Variants in RNF43 observed in about 807,000 individuals in gnomAD.
The protein encoded by RNF43 is E3 ubiquitin-protein ligase RNF43.
Under a neutral mutation model 78.4 loss-of-function variants are expected in RNF43, and 37 were observed. That is an observed-to-expected ratio of 0.47 (90% CI 0.36 to 0.62). The LOEUF (loss-of-function observed/expected upper bound fraction) is 0.62. RNF43 is among the 20% of genes least tolerant of loss of function. RNF43 has a pLI of 0.00. For missense variants in RNF43, 774 were observed against 1,007.9 expected (o/e 0.77, Z 3.14); for synonymous variants, 347 against 395.0 (o/e 0.88, Z 1.44).
intron 2 of RNF43, chr17:58,395,060 T>G (rs919280101): frequency 6.6e-6 from 1 of 152,254 alleles, no homozygotes; most frequent in Middle Eastern, 3.2e-3. Context: ...TGCTGTATAA[T>G]AAGTCTGTTT....
At chr17:58,391,615 G>A (rs1332787276) in intron 2 of RNF43, among the ~76,000 whole-genome samples, 3 of 152,166 alleles carry the variant, frequency 2.0e-5, no homozygotes, top group African/African-American at 2.4e-5. Context: ...TCTCAGTGTC[G>A]TTTGAACTGT....
intron 2 of RNF43, among the ~76,000 whole-genome samples, chr17:58,406,877 T>TAC (rs1413091984): frequency 6.6e-6 from 1 of 151,812 alleles, no homozygotes; most frequent in East Asian, 1.9e-4. Context: ...TATATATGTA[T>TAC]AACAATACCT....
At chr17:58,403,701 T>G (rs573106873) in intron 2 of RNF43, among the ~76,000 whole-genome samples, 1 of 152,284 alleles carries the variant, frequency 6.6e-6, no homozygotes, top group Admixed American at 6.5e-5. Flanking sequence ...GATGGCCCCA[T>G]TTCCACTCTT....
At chr17:58,371,681 G>A (rs1416487902) in intron 2 of RNF43, among the ~76,000 whole-genome samples, 23 of 152,170 alleles carry the variant, frequency 1.5e-4, no homozygotes, top group Non-Finnish European at 1.5e-5. Flanking sequence ...ATCTTGCAAT[G>A]AGGCTTGGCT....
rs185283404 is a variant in RNF43 at position 58,359,324 on chromosome 17, G to A, written c.953-501C>T. On this transcript the variant is annotated intron_variant, in intron 8 of 9. Transcript: ENST00000407977. ...TAATAAAGATTATCTACGGCCGGGC[G>A]CGGTGGCTCATGCCTGTAATCCCAG... Among the ~76,000 whole-genome samples, 38 of 151,740 alleles carry A rather than the reference G, an allele frequency of 2.5e-4. 1 individual carries two copies. The East Asian group carries it at 6.8e-3, about 27-fold the overall frequency.
chr17:58,376,982 G>C lies in RNF43; in HGVS notation c.253-5949C>G, dbSNP rs144112705. On this transcript the variant is annotated intron_variant, in intron 2 of 9. Coordinates refer to ENST00000407977, the MANE Select transcript of RNF43 (RefSeq NM_017763.6). ...TTATACCCCCTGTGTAAAGACATGT[G>C]AACTGTCCTTCGGTGGTGTGTGTTG... Among the ~76,000 whole-genome samples, 238 of 152,232 alleles carry C rather than the reference G, an allele frequency of 1.6e-3. 2 individuals carry two copies. Among genetic ancestry groups the C allele is most frequent in the Middle Eastern group, 0.01 (3 of 294 alleles).
intron 9 of RNF43, chr17:58,356,858 A>C: frequency 1.5e-5 from 4 of 264,896 alleles, no homozygotes; most frequent in Non-Finnish European, 2.9e-5. Flanking sequence ...TGTTTGAGCT[A>C]CTACCCCGGG....
Position 58,358,465 on chromosome 17 carries a change from C to G in RNF43, c.1311G>C (p.Arg437=), listed in dbSNP as rs1972751675. 6.2e-6 allele frequency: 10 copies of G among 1,613,868 alleles called. No homozygotes were observed. Among genetic ancestry groups the G allele is most frequent in the Middle Eastern group, 1.7e-4 (1 of 6,060 alleles). ...ATCCACTGCTGTCAGGGGGCCTGGC[C>G]CGGCGTAGGGGCACTGGGCAAGCAG... The part of the protein sequence containing the change: ...HPAACPVPLR[R]ARPPDSSGSG... The change falls in exon 9 of 10, where the codon CGG becomes CGC. Residue 437 remains arginine, a synonymous_variant. Coordinates refer to ENST00000407977, the MANE Select transcript of RNF43 (RefSeq NM_017763.6). The surrounding 1 kb of genome is among the most constrained non-coding windows in gnomAD (Gnocchi z 6.2).
intron 2 of RNF43, among the ~76,000 whole-genome samples, chr17:58,409,027 T>G (rs1302289910): frequency 6.6e-6 from 1 of 152,046 alleles, no homozygotes; most frequent in African/African-American, 2.4e-5. Context: ...GAAAGGAGAA[T>G]ATGAGTCCTC....
chr17:58,397,451 A>T (rs1054025540), intron 2 of RNF43, among the ~76,000 whole-genome samples: 1 of 152,204 alleles, frequency 6.6e-6, no homozygotes, highest in Admixed American at 6.5e-5. Context: ...ACCTGAGGTC[A>T]GGAGTTCCAG....
chr17:58,375,736 A>G (rs534545056), intron 2 of RNF43, among the ~76,000 whole-genome samples: 1 of 152,348 alleles, frequency 6.6e-6, no homozygotes, highest in African/African-American at 2.4e-5. Context: ...TGATCAGAAG[A>G]TAATACATGA....
At chr17:58,388,889 A>G (rs1973489142) in intron 2 of RNF43, among the ~76,000 whole-genome samples, 1 of 152,226 alleles carries the variant, frequency 6.6e-6, no homozygotes, top group South Asian at 2.1e-4. Context: ...TCAAGTCTTC[A>G]GGGTACAGGA....
downstream of RNF43, chr17:58,353,312 T>C: frequency 4.7e-6 from 1 of 213,640 alleles, no homozygotes; most frequent in South Asian, 1.9e-4. Flanking sequence ...TTATCTCATG[T>C]AAGTCCTGCA....
chr17:58,355,185 T>C (rs1036048707), intron 9 of RNF43, among the ~76,000 whole-genome samples, 199 bp from the exon 10 acceptor site: 6 of 152,170 alleles, frequency 3.9e-5, no homozygotes, highest in Admixed American at 3.3e-4. Flanking sequence ...TAAAGAAATA[T>C]ATATAGCAAC....
At chr17:58,383,513 G>A (rs1165328487) in intron 2 of RNF43, among the ~76,000 whole-genome samples, 1 of 151,988 alleles carries the variant, frequency 6.6e-6, no homozygotes, top group Non-Finnish European at 1.5e-5. Flanking sequence ...GTGTTGCCCA[G>A]GCTGGTTTCT....
At chr17:58,383,684 C>A (rs1457498407) in intron 2 of RNF43, among the ~76,000 whole-genome samples, 1 of 152,052 alleles carries the variant, frequency 6.6e-6, no homozygotes, top group East Asian at 1.9e-4. Context: ...ATGGCGTGAT[C>A]TCGGCTCACT....
chr17:58,380,951 G>C (rs755452072), intron 2 of RNF43, among the ~76,000 whole-genome samples: 1 of 152,194 alleles, frequency 6.6e-6, no homozygotes, highest in Non-Finnish European at 1.5e-5. Flanking sequence ...AAATGGGCTG[G>C]CTCAATGAAA....
rs556722203 is a variant in RNF43 at position 58,375,469 on chromosome 17, G to A, written c.253-4436C>T. On this transcript the variant is annotated intron_variant, in intron 2 of 9. Transcript: ENST00000407977. ...TTTCCCTAATCATACATTACCCCAC[G>A]GTATTGTAATTGTCGGCTTACTTCC... Among the ~76,000 whole-genome samples, 77 of 152,224 alleles carry A rather than the reference G, an allele frequency of 5.1e-4. 1 individual carries two copies. In the South Asian group the frequency reaches 7.3e-3, roughly 14 times the overall value.
Position 58,415,308 on chromosome 17 carries a change from T to C in RNF43, c.252+18A>G, listed in dbSNP as rs1567899878. On this transcript the variant is annotated intron_variant, in intron 2 of 9. Coordinates refer to ENST00000407977, the MANE Select transcript of RNF43 (RefSeq NM_017763.6). ...TTTCAAACAGATGGAAAGTGAAATA[T>C]AATAAAGTTATACTTGCCTGCATTA... 3 of 1,613,718 alleles carry C rather than the reference T, an allele frequency of 1.9e-6. No individual in the cohort carries two copies. Among genetic ancestry groups the C allele is most frequent in the African/African-American group, 1.3e-5 (1 of 75,026 alleles).
Sources: gnomAD v4.1 joint callset for allele counts (sites outside exome capture counted in the v4.1 genomes callset) on GRCh38, gnomAD v4.1.1 for gene constraint, Gnocchi (gnomAD v3.1) non-coding constraint, MANE v1.5 for transcripts, NCBI Gene and HGNC (gene_info 2026-07-23, HGNC 2026-07-21) for gene names.